The following LRRTM4 variants were observed in gnomAD, a reference collection of about 807,000 sequenced individuals.
LRRTM4 encodes the protein leucine rich repeat transmembrane neuronal 4.
Under a neutral mutation model 47.6 loss-of-function variants are expected in LRRTM4, and 25 were observed. That is an observed-to-expected ratio of 0.53 (90% confidence interval 0.38 to 0.73). The LOEUF (loss-of-function observed/expected upper bound fraction) is 0.73, where lower values mean the gene tolerates loss of function less well. LRRTM4 is among the 30% of genes least tolerant of loss of function. The pLI is 0.00. For synonymous variants in LRRTM4, 311 were observed against 269.5 expected (o/e 1.15, Z -1.51); for missense variants, 638 against 713.4 (o/e 0.89, Z 1.20).
At chr2:77,037,605 A>G (rs2104163822) in intron 3 of LRRTM4, among the ~76,000 whole-genome samples, 1 of 151,858 alleles carries the variant, frequency 6.6e-6, no homozygotes, top group East Asian at 1.9e-4. Flanking sequence ...GTCTCATGCA[A>G]ATAGGATGCA....
intron 3 of LRRTM4, among the ~76,000 whole-genome samples, chr2:76,916,404 A>AAAAAAAG (rs1674251491): frequency 7.9e-6 from 1 of 126,240 alleles, no homozygotes; most frequent in East Asian, 5.9e-4. Context: ...AAAAAAAAAA[A>AAAAAAAG]AAAGAAAAGA....
intron 3 of LRRTM4, among the ~76,000 whole-genome samples, chr2:76,881,318 G>A (rs1028497083): frequency 6.6e-6 from 1 of 152,022 alleles, no homozygotes; most frequent in Non-Finnish European, 1.5e-5. Context: ...ACAATTCACA[G>A]AATTTACTAT....
intron 3 of LRRTM4, among the ~76,000 whole-genome samples, chr2:77,010,501 TACAC>T (rs34456976): frequency 0.032 from 4,410 of 139,856 alleles, 110 homozygotes; most frequent in African/African-American, 0.057. Context: ...TTGTATTGTT[TACAC>T]ACACACACAC....
At chr2:77,487,895 G>T (rs1252589342) in intron 3 of LRRTM4, among the ~76,000 whole-genome samples, 3 of 152,112 alleles carry the variant, frequency 2.0e-5, no homozygotes, top group African/African-American at 7.2e-5. Context: ...CCCACTTCGG[G>T]TCTCCTGAGA....
intron 3 of LRRTM4, among the ~76,000 whole-genome samples, chr2:77,423,044 A>T (rs1396373115): frequency 6.6e-6 from 1 of 152,082 alleles, no homozygotes; most frequent in East Asian, 1.9e-4. Flanking sequence ...TTTTAATCAT[A>T]TTGTGTTTAA....
At chr2:77,038,643 A>G (rs78292213) in intron 3 of LRRTM4, among the ~76,000 whole-genome samples, 3 of 151,532 alleles carry the variant, frequency 2.0e-5, no homozygotes, top group Non-Finnish European at 3.0e-5. Flanking sequence ...AACAACTAGC[A>G]TAACAACTTC....
At chr2:77,213,853 T>G (rs1052329540) in intron 3 of LRRTM4, among the ~76,000 whole-genome samples, 3 of 152,022 alleles carry the variant, frequency 2.0e-5, no homozygotes, top group African/African-American at 7.2e-5. Flanking sequence ...GAAGAGTGCT[T>G]CACTTTATCT....
chr2:77,143,034 A>AC (rs1383930027), intron 3 of LRRTM4, among the ~76,000 whole-genome samples: 4 of 152,260 alleles, frequency 2.6e-5, no homozygotes, highest in Admixed American at 2.6e-4. Flanking sequence ...AAAGATGAAC[A>AC]CCCCCAATAA....
At chr2:76,809,047 G>C (rs1670649640) in intron 3 of LRRTM4, among the ~76,000 whole-genome samples, 1 of 151,938 alleles carries the variant, frequency 6.6e-6, no homozygotes, top group African/African-American at 2.4e-5. Context: ...CTTTCTCCAT[G>C]ATCTTCAAAG....
intron 3 of LRRTM4, among the ~76,000 whole-genome samples, chr2:76,936,642 AC>A (rs1267816915): frequency 6.6e-6 from 1 of 151,264 alleles, no homozygotes; most frequent in Non-Finnish European, 1.5e-5. Context: ...CTCACTCTTT[AC>A]TGGCAAGTTT....
chr2:77,306,370 T>A (rs1003946663), intron 3 of LRRTM4, among the ~76,000 whole-genome samples: 1 of 152,216 alleles, frequency 6.6e-6, no homozygotes, highest in Non-Finnish European at 1.5e-5. Context: ...GTAACCTCCT[T>A]GCAATAGCTC....
At chr2:77,442,532 C>T (rs1675884653) in intron 3 of LRRTM4, among the ~76,000 whole-genome samples, 1 of 152,188 alleles carries the variant, frequency 6.6e-6, no homozygotes, top group Non-Finnish European at 1.5e-5. Flanking sequence ...TCACATTCTA[C>T]ATGAATTTCC....
At chr2:76,787,352 C>CTCTT (rs1406453314) in intron 3 of LRRTM4, among the ~76,000 whole-genome samples, 2 of 152,064 alleles carry the variant, frequency 1.3e-5, no homozygotes, top group African/African-American at 4.8e-5. Context: ...TTATTTTCAT[C>CTCTT]TCTTTTCTTT....
At chr2:76,913,652 A>G (rs1419938099) in intron 3 of LRRTM4, among the ~76,000 whole-genome samples, 2 of 149,868 alleles carry the variant, frequency 1.3e-5, no homozygotes, top group African/African-American at 4.9e-5. Flanking sequence ...TGATTCTCGT[A>G]CCTCAGCCTC....
intron 3 of LRRTM4, among the ~76,000 whole-genome samples, chr2:77,036,542 T>A (rs1225110718): frequency 6.7e-6 from 1 of 148,646 alleles, no homozygotes; most frequent in African/African-American, 2.4e-5. Flanking sequence ...ACAATCCTTA[T>A]CATCATTTAC....
intron 3 of LRRTM4, among the ~76,000 whole-genome samples, chr2:77,068,576 G>A (rs1680038741): frequency 6.6e-6 from 1 of 152,050 alleles, no homozygotes; most frequent in Non-Finnish European, 1.5e-5. Flanking sequence ...TTTTCTGTCT[G>A]GCTTCCTTTA....
At chr2:76,961,985 G>A (rs574341129) in intron 3 of LRRTM4, among the ~76,000 whole-genome samples, 1 of 151,154 alleles carries the variant, frequency 6.6e-6, no homozygotes, top group Non-Finnish European at 1.5e-5. Flanking sequence ...CTGGTTTTCT[G>A]AGGGTTTCTT....
At chr2:77,296,090 G>T (rs1440745318) in intron 3 of LRRTM4, among the ~76,000 whole-genome samples, 1 of 152,108 alleles carries the variant, frequency 6.6e-6, no homozygotes, top group East Asian at 1.9e-4. Flanking sequence ...TGCTCTGACA[G>T]ATATATTAGA....
intron 3 of LRRTM4, among the ~76,000 whole-genome samples, chr2:77,073,474 TTTG>T (rs1009661913): frequency 5.1e-4 from 77 of 152,202 alleles, no homozygotes; most frequent in African/African-American, 1.6e-3. Flanking sequence ...CTTTCCATTA[TTTG>T]TTTTTTCTAT....
Sources: gnomAD v4.1 joint callset for allele counts (sites outside exome capture counted in the v4.1 genomes callset) on GRCh38, gnomAD v4.1.1 for gene constraint, MANE v1.5 for transcripts, NCBI Gene and HGNC (gene_info 2026-07-23, HGNC 2026-07-21) for gene names.